Variants in CCDC92 observed in about 807,000 individuals in gnomAD.
CCDC92 encodes coiled-coil domain containing 92.
CCDC92 carries 12 observed loss-of-function variants against 24.9 expected under a neutral mutation model. The observed-to-expected ratio is 0.48, with a 90% CI of 0.31 to 0.78. The LOEUF (loss-of-function observed/expected upper bound fraction) is 0.78, where lower values mean the gene tolerates loss of function less well. Among genes scored for constraint, CCDC92 ranks in the 30% least tolerant of loss-of-function variants. CCDC92 has a pLI of 0.05. For missense variants in CCDC92, 399 were observed against 439.4 expected, an observed-to-expected ratio of 0.91 and a Z score of 0.82; for synonymous variants, 193 against 196.3, an observed-to-expected ratio of 0.98 and a Z score of 0.14.
intron 4 of CCDC92, among the ~76,000 whole-genome samples, chr12:123,938,326 AC>A (rs944121953): frequency 1.3e-5 from 2 of 151,268 alleles, no homozygotes; most frequent in South Asian, 4.2e-4. Context: ...CGCCTCTCTC[AC>A]CCCCCTACCC....
At chr12:123,968,803 A>G (rs1044521436) in intron 1 of CCDC92, among the ~76,000 whole-genome samples, 1 of 152,288 alleles carries the variant, frequency 6.6e-6, no homozygotes, top group African/African-American at 2.4e-5. Flanking sequence ...AGACGTTTAA[A>G]AAGTTAAAAG....
chr12:123,962,406 T>A (rs1956291903), intron 1 of CCDC92: 1 of 152,232 alleles, frequency 6.6e-6, no homozygotes, highest in Non-Finnish European at 1.5e-5. Flanking sequence ...TGTTTGCTTT[T>A]TAAATTGGTT....
chr12:123,937,551 T>A lies in CCDC92; in HGVS notation c.503A>T (p.Lys168Met). ...TGAGGTCCCGCTGGAGCTCATGAGC[T>A]TCTTCTTGGCGGCGTGCAGCTGGGA... Reference protein sequence around the residue: ...LTSQLHAAKKKLMSSSGTSDA... With the variant: ...LTSQLHAAKKMLMSSSGTSDA... The change falls in exon 5 of 5, where the codon AAG becomes ATG. Residue 168 changes from lysine (K) to methionine (M), a missense_variant. By Grantham distance (95) the Lys-to-Met change is moderately conservative. Coordinates refer to ENST00000238156, the MANE Select transcript of CCDC92 (RefSeq NM_025140.3). This position sits in a 1 kb window ranked among gnomAD's most constrained non-coding sequence, Gnocchi z 8.4. 6.2e-7 allele frequency: 1 copy of A among 1,612,528 alleles called. No individual in the cohort carries two copies. Among genetic ancestry groups the A allele is most frequent in the African/African-American group, 1.3e-5 (1 of 74,896 alleles).
At chr12:123,964,883 T>A (rs1244467448) in intron 1 of CCDC92, among the ~76,000 whole-genome samples, 2 of 152,250 alleles carry the variant, frequency 1.3e-5, no homozygotes, top group East Asian at 1.9e-4. Context: ...CATTATTTTT[T>A]AATGTAAATT....
intron 1 of CCDC92, among the ~76,000 whole-genome samples, chr12:123,955,286 T>C (rs543316307): frequency 1.1e-4 from 16 of 152,364 alleles, no homozygotes; most frequent in African/African-American, 3.4e-4. Context: ...GAAGGGGAAG[T>C]AAGCAGTTCA....
At chr12:123,940,049 AT>A (rs1274723288) in intron 4 of CCDC92, among the ~76,000 whole-genome samples, 2 of 152,036 alleles carry the variant, frequency 1.3e-5, no homozygotes, top group African/African-American at 4.8e-5. Flanking sequence ...GCATCCTGGG[AT>A]TTTTCTTCCC....
At chr12:123,949,185 A>C (rs1015461761) in intron 1 of CCDC92, among the ~76,000 whole-genome samples, 1 of 152,240 alleles carries the variant, frequency 6.6e-6, no homozygotes, top group African/African-American at 2.4e-5. Flanking sequence ...CACTCACCCC[A>C]TCTTAGCTGT....
At chr12:123,940,673 G>C (rs1368383201) in intron 4 of CCDC92, among the ~76,000 whole-genome samples, 13 of 152,218 alleles carry the variant, frequency 8.5e-5, no homozygotes, top group Admixed American at 8.5e-4. Flanking sequence ...TGCACACTGA[G>C]CTGACAGCAG....
chr12:123,962,408 A>T, intron 1 of CCDC92: 1 of 152,234 alleles, frequency 6.6e-6, no homozygotes, highest in East Asian at 1.9e-4. Context: ...TTTGCTTTTT[A>T]AATTGGTTGC....
chr12:123,947,832 G>A (rs1955918254), intron 1 of CCDC92, among the ~76,000 whole-genome samples: 1 of 152,134 alleles, frequency 6.6e-6, no homozygotes, highest in Admixed American at 6.5e-5. Flanking sequence ...TGGAAGCTTT[G>A]TTCTTTCGCT....
chr12:123,954,214 T>C (rs1299537226), intron 1 of CCDC92, among the ~76,000 whole-genome samples: 1 of 152,188 alleles, frequency 6.6e-6, no homozygotes, highest in African/African-American at 2.4e-5. Flanking sequence ...TCACCAAGAA[T>C]AATTAATGGG....
At chr12:123,949,235 T>A (rs530441870) in intron 1 of CCDC92, among the ~76,000 whole-genome samples, 4 of 152,372 alleles carry the variant, frequency 2.6e-5, no homozygotes, top group Admixed American at 1.3e-4. Flanking sequence ...CCAGCCCGTT[T>A]GGCAAAACGC....
At chr12:123,940,171 G>A (rs1955641119) in intron 4 of CCDC92, among the ~76,000 whole-genome samples, 1 of 152,226 alleles carries the variant, frequency 6.6e-6, no homozygotes, top group African/African-American at 2.4e-5. Flanking sequence ...AGAGGGCCCT[G>A]GTGGTCGGAC....
At chr12:123,963,070 G>T (rs115537570) in intron 1 of CCDC92, among the ~76,000 whole-genome samples, 63 of 152,266 alleles carry the variant, frequency 4.1e-4, no homozygotes, top group African/African-American at 1.5e-3. Context: ...TGTCATGAGC[G>T]TGTGGGTGGG....
At chr12:123,964,002 C>A (rs1025639541) in intron 1 of CCDC92, among the ~76,000 whole-genome samples, 1 of 152,050 alleles carries the variant, frequency 6.6e-6, no homozygotes, top group Non-Finnish European at 1.5e-5. Flanking sequence ...GCTTTCCAGG[C>A]GGGAGAAATG....
At chr12:123,946,193 T>C (rs1345144129) in intron 1 of CCDC92, 1 of 152,350 alleles carries the variant, frequency 6.6e-6, no homozygotes, top group Non-Finnish European at 1.5e-5. Context: ...AAATTGAGAC[T>C]ACTTAAAAAC....
intron 4 of CCDC92, among the ~76,000 whole-genome samples, 190 bp from the exon 5 acceptor site, chr12:123,938,020 G>A (rs1955576447): frequency 6.6e-6 from 1 of 152,158 alleles, no homozygotes; most frequent in Non-Finnish European, 1.5e-5. Context: ...GGGCATCTCA[G>A]AGGCCCTTTC....
chr12:123,948,217 T>C lies in CCDC92; in HGVS notation c.-59-3853A>G, dbSNP rs76127020. ...GCACAAAATGGGATGTGCCTATATG[T>C]AGATGTCAGTATTTTCTTCTACGCT... On this transcript the variant is annotated intron_variant, in intron 1 of 4. Coordinates refer to ENST00000238156, the MANE Select transcript of CCDC92 (RefSeq NM_025140.3). 4.9e-3 allele frequency among the ~76,000 whole-genome samples: 751 copies of C among 152,314 alleles called. 4 individuals are homozygous for C. Among genetic ancestry groups the C allele is most frequent in the African/African-American group, 0.018 (728 of 41,566 alleles).
intron 1 of CCDC92, among the ~76,000 whole-genome samples, chr12:123,950,696 T>C (rs1405663776): frequency 6.6e-6 from 1 of 152,144 alleles, no homozygotes; most frequent in Admixed American, 6.5e-5. Flanking sequence ...AAGTTAGCAA[T>C]AGGCTATTCC....
Sources: gnomAD v4.1 joint callset for allele counts (sites outside exome capture counted in the v4.1 genomes callset) on GRCh38, gnomAD v4.1.1 for gene constraint, Gnocchi (gnomAD v3.1) non-coding constraint, MANE v1.5 for transcripts, NCBI Gene and HGNC (gene_info 2026-07-23, HGNC 2026-07-21) for gene names.